The following SCAPER variants were observed in gnomAD, a reference collection of about 807,000 sequenced individuals.
The protein encoded by SCAPER is S phase cyclin A-associated protein in the endoplasmic reticulum.
Under a neutral mutation model 182.2 loss-of-function variants are expected in SCAPER, and 98 were observed. The ratio of observed to expected loss-of-function variants is 0.54; its 90% CI spans 0.46 to 0.64. The LOEUF is 0.64. Among genes scored for constraint, SCAPER ranks in the 30% least tolerant of loss-of-function variants. The pLI is 0.00. For missense variants in SCAPER, 1,432 were observed against 1,690.0 expected (o/e 0.85, Z 2.68); for synonymous variants, 605 against 564.6 (o/e 1.07, Z -1.01).
chr15:76,675,973 C>T lies in SCAPER; in HGVS notation c.2509-10184G>A, dbSNP rs554806043. ...CCGAGTAGCTGGGATTACAGGCGCC[C>T]GCCACCATGCCTGGCTAATTTTTGT... On this transcript the variant is annotated intron_variant, in intron 20 of 31. Coordinates refer to ENST00000563290, the MANE Select transcript of SCAPER (RefSeq NM_020843.4). Among the ~76,000 whole-genome samples the T allele has an allele frequency of 5.3e-5, 8 of 152,078 alleles. No individual in the cohort carries two copies. In the East Asian group the frequency reaches 5.8e-4, roughly 11 times the overall value.
At chr15:76,569,640 C>T (rs1489490193) in intron 23 of SCAPER, among the ~76,000 whole-genome samples, 1 of 152,090 alleles carries the variant, frequency 6.6e-6, no homozygotes, top group Non-Finnish European at 1.5e-5. Flanking sequence ...ATACTTCTCT[C>T]TTCTCCTTTT....
intron 23 of SCAPER, among the ~76,000 whole-genome samples, chr15:76,517,758 T>C (rs1238895744): frequency 6.6e-6 from 1 of 152,224 alleles, no homozygotes; most frequent in Non-Finnish European, 1.5e-5. Context: ...TCTGTTTTTC[T>C]ATTGATGTCC....
intron 25 of SCAPER, among the ~76,000 whole-genome samples, chr15:76,467,903 T>G (rs766613514): frequency 2.0e-5 from 3 of 152,120 alleles, no homozygotes; most frequent in South Asian, 2.1e-4. Flanking sequence ...GAAAAATGTC[T>G]CCTAAACCAT....
intron 20 of SCAPER, among the ~76,000 whole-genome samples, chr15:76,677,093 G>A (rs1021643864): frequency 1.3e-5 from 2 of 152,052 alleles, no homozygotes; most frequent in African/African-American, 4.8e-5. Context: ...TACCCTGTGA[G>A]ACACAGTAGA....
chr15:76,529,053 T>C (rs1233434012), intron 23 of SCAPER, among the ~76,000 whole-genome samples: 1 of 152,254 alleles, frequency 6.6e-6, no homozygotes, highest in Non-Finnish European at 1.5e-5. Context: ...AACTTTGTTG[T>C]TGTTGTTTGA....
intron 21 of SCAPER, among the ~76,000 whole-genome samples, chr15:76,647,076 T>A (rs1281407727): frequency 6.6e-6 from 1 of 152,176 alleles, no homozygotes; most frequent in Non-Finnish European, 1.5e-5. Flanking sequence ...TCCAATCTCA[T>A]CTAATTCTTC....
intron 22 of SCAPER, among the ~76,000 whole-genome samples, chr15:76,602,883 T>G (rs1471262790): frequency 8.4e-6 from 1 of 118,832 alleles, no homozygotes; most frequent in African/African-American, 2.5e-5. Context: ...CTGTTCACTT[T>G]TGTTACCATG....
Position 76,868,142 on chromosome 15 carries a change from C to T in SCAPER, c.7-5609G>A, listed in dbSNP as rs1032167021. 3.3e-5 allele frequency among the ~76,000 whole-genome samples: 5 copies of T among 152,276 alleles called. No homozygotes were observed. In the South Asian group the frequency reaches 1.0e-3, roughly 32 times the overall value. ...GAAATAAACTACTAATCTGTTGGTT[C>T]CCCTTCCAGTTATGAAAACATAAAA... On this transcript the variant is annotated intron_variant, in intron 2 of 31. Coordinates refer to ENST00000563290, the MANE Select transcript of SCAPER (RefSeq NM_020843.4).
At chr15:76,883,686 G>T in intron 2 of SCAPER, 126 bp downstream of exon 2, 1 of 804,692 alleles carries the variant, frequency 1.2e-6, no homozygotes, top group Non-Finnish European at 1.9e-6. Context: ...CTTTATCACT[G>T]TGCTTTATGA....
chr15:76,749,298 T>C (rs1343501040), intron 15 of SCAPER, among the ~76,000 whole-genome samples: 1 of 152,042 alleles, frequency 6.6e-6, no homozygotes, highest in Non-Finnish European at 1.5e-5. Flanking sequence ...TAAAGTCCAA[T>C]CATGGTAAAG....
chr15:76,351,244 T>C lies in SCAPER; in HGVS notation c.4092A>G (p.Gln1364=), dbSNP rs752587224. The C allele has an allele frequency of 6.2e-6, 10 of 1,610,016 alleles. No homozygotes were observed. The highest frequency in any genetic ancestry group is 1.1e-5 in the South Asian group (1 of 89,936). Residue 1364 remains glutamine, a synonymous_variant, in exon 31 of 32, where the codon CAA becomes CAG. Transcript: ENST00000563290. ...TPGQAENQPY[Q]PKGKCLGSQD... ...ATTTCAATAGAGACATACCTTTGGGTTGGTAAGGCTGGTTTTCCGCTTGAC... is the reference window on the plus strand; with the variant it reads ...ATTTCAATAGAGACATACCTTTGGGCTGGTAAGGCTGGTTTTCCGCTTGAC...
intron 17 of SCAPER, among the ~76,000 whole-genome samples, chr15:76,715,977 A>C (rs2059869134): frequency 6.6e-6 from 1 of 152,162 alleles, no homozygotes; most frequent in Non-Finnish European, 1.5e-5. Context: ...TTGGCTCCAC[A>C]GCTGCTCTGA....
chr15:76,752,271 A>G (rs900307271), intron 15 of SCAPER, among the ~76,000 whole-genome samples: 6 of 151,764 alleles, frequency 4.0e-5, no homozygotes, highest in Non-Finnish European at 7.4e-5. Context: ...ACCCTTGTGC[A>G]CTACTGATGG....
chr15:76,410,291 T>C (rs1265642952), intron 26 of SCAPER, among the ~76,000 whole-genome samples: 1 of 152,230 alleles, frequency 6.6e-6, no homozygotes, highest in Non-Finnish European at 1.5e-5. Flanking sequence ...TAACCGTTTG[T>C]AATCATGCAT....
Position 76,670,664 on chromosome 15 carries a change from G to T in SCAPER, c.2509-4875C>A, listed in dbSNP as rs576498755. ...CGCAAGTGGTTTGCCAGTATGTGGT[G>T]TTCCTGTTTTGTTTCTAAATCTCTG... On this transcript the variant is annotated intron_variant, in intron 20 of 31. Transcript: ENST00000563290. Among the ~76,000 whole-genome samples the T allele has an allele frequency of 2.6e-5, 4 of 152,282 alleles. No individual in the cohort carries two copies. In the South Asian group the frequency reaches 8.3e-4, roughly 32 times the overall value.
intron 2 of SCAPER, among the ~76,000 whole-genome samples, chr15:76,866,099 T>C (rs2151898557): frequency 6.6e-6 from 1 of 152,302 alleles, no homozygotes; most frequent in Non-Finnish European, 1.5e-5. Context: ...GCATCTATCA[T>C]TTAGCATTGT....
intron 20 of SCAPER, among the ~76,000 whole-genome samples, chr15:76,693,800 TTAGAATAGTGA>T (rs2058507132): frequency 2.0e-5 from 3 of 151,900 alleles, no homozygotes; most frequent in Non-Finnish European, 4.4e-5. Flanking sequence ...GAGACAGAAA[TTAGAATAGTGA>T]TCACCAGGGT....
intron 24 of SCAPER, among the ~76,000 whole-genome samples, chr15:76,497,109 C>CTTTTTTTT (rs57202860): frequency 1.4e-4 from 12 of 86,718 alleles, no homozygotes; most frequent in East Asian, 3.6e-4. Context: ...TTGGTCTCCT[C>CTTTTTTTT]TTTTTTTTTT....
Position 76,506,107 on chromosome 15 carries a change from T to TG in SCAPER, c.2839-1134dup, listed in dbSNP as rs889683047. Among the ~76,000 whole-genome samples the TG allele has an allele frequency of 9.7e-4, 145 of 149,646 alleles. 2 individuals are homozygous for TG. The highest frequency in any genetic ancestry group is 3.5e-3 in the African/African-American group (142 of 40,716). On this transcript the variant is annotated intron_variant, in intron 23 of 31. Transcript: ENST00000563290. ...GGGTACCAGAGACTGAGAAGGGTAG[T>TG]GGGGGGGACGGGGTAATGGGGAAGG...
Sources: gnomAD v4.1 joint callset for allele counts (sites outside exome capture counted in the v4.1 genomes callset) on GRCh38, gnomAD v4.1.1 for gene constraint, MANE v1.5 for transcripts, NCBI Gene and HGNC (gene_info 2026-07-23, HGNC 2026-07-21) for gene names.